Variants in KAZN observed in about 807,000 individuals in gnomAD.
KAZN encodes kazrin.
Under a neutral mutation model 87.4 loss-of-function variants are expected in KAZN, and 40 were observed. The ratio of observed to expected loss-of-function variants is 0.46; its 90% CI spans 0.36 to 0.60. KAZN has a LOEUF of 0.60. KAZN is among the 20% of genes least tolerant of loss of function. The pLI is 0.00. For missense variants in KAZN, 898 were observed against 1,073.9 expected (o/e 0.84, Z 2.29); for synonymous variants, 466 against 458.3 (o/e 1.02, Z -0.22).
At chr1:14,441,317 C>T (rs1196218103) in intron 2 of KAZN, among the ~76,000 whole-genome samples, 3 of 151,686 alleles carry the variant, frequency 2.0e-5, no homozygotes, top group African/African-American at 4.8e-5. Context: ...GCTGAACTTC[C>T]ATTAGCATTA....
chr1:14,957,112 T>C (rs1663210002), intron 1 of KAZN, among the ~76,000 whole-genome samples: 1 of 151,878 alleles, frequency 6.6e-6, no homozygotes, highest in Admixed American at 6.6e-5. Context: ...AGGCCAGGAG[T>C]CTTTCCTTCT....
chr1:14,633,456 G>A (rs1216742429), intron 1 of KAZN, among the ~76,000 whole-genome samples: 2 of 152,128 alleles, frequency 1.3e-5, no homozygotes, highest in East Asian at 3.9e-4. Context: ...AAATGTGTGG[G>A]TGCCTCTAGA....
At chr1:14,888,489 C>G (rs1654356800) in intron 1 of KAZN, among the ~76,000 whole-genome samples, 1 of 152,180 alleles carries the variant, frequency 6.6e-6, no homozygotes, top group Non-Finnish European at 1.5e-5. Flanking sequence ...GAATGAATCC[C>G]TTTCAATACA....
At chr1:15,040,669 G>C (rs1194352231) in intron 3 of KAZN, among the ~76,000 whole-genome samples, 1 of 152,076 alleles carries the variant, frequency 6.6e-6, no homozygotes, top group Non-Finnish European at 1.5e-5. Context: ...GGGAGGCTGA[G>C]GCAGGAGAAT....
intron 2 of KAZN, among the ~76,000 whole-genome samples, chr1:14,517,331 G>A (rs1390633256): frequency 6.6e-6 from 1 of 152,024 alleles, no homozygotes; most frequent in Non-Finnish European, 1.5e-5. Flanking sequence ...AGAAAGTAAA[G>A]CCAACACAGA....
chr1:14,085,725 C>G (rs1468312730), intron 1 of KAZN, among the ~76,000 whole-genome samples: 1 of 152,132 alleles, frequency 6.6e-6, no homozygotes, highest in African/African-American at 2.4e-5. Flanking sequence ...CATTCACATA[C>G]AAGTCTTTCT....
intron 2 of KAZN, among the ~76,000 whole-genome samples, chr1:14,304,940 T>G (rs144101572): frequency 0.021 from 2,981 of 139,604 alleles, 41 homozygotes; most frequent in Middle Eastern, 0.042. Flanking sequence ...CAGCCAAAGC[T>G]AGTTTTTTTT....
intron 2 of KAZN, among the ~76,000 whole-genome samples, chr1:14,387,676 G>T (rs1255916291): frequency 1.3e-5 from 2 of 152,182 alleles, no homozygotes; most frequent in Non-Finnish European, 2.9e-5. Context: ...CCCGTTCTCA[G>T]ATCTCCAGCT....
intron 1 of KAZN, among the ~76,000 whole-genome samples, chr1:14,695,524 T>TTTTTTTTTTTTTTTTTTTTTTTTTTTTTG: frequency 6.9e-6 from 1 of 145,906 alleles, no homozygotes. Context: ...TTTTTTTTTT[T>TTTTTTTTTTTTTTTTTTTTTTTTTTTTTG]TGATGGAGTC....
intron 1 of KAZN, among the ~76,000 whole-genome samples, chr1:14,090,312 C>CT (rs1273518575): frequency 6.6e-6 from 1 of 151,986 alleles, no homozygotes; most frequent in African/African-American, 2.4e-5. Flanking sequence ...TTTTCAGTCT[C>CT]TTTTTCTCTG....
intron 1 of KAZN, among the ~76,000 whole-genome samples, chr1:14,755,668 G>A (rs557742034): frequency 6.6e-6 from 1 of 152,294 alleles, no homozygotes; most frequent in Admixed American, 6.5e-5. Context: ...CAGGGGTTCA[G>A]TGTGGAGGGC....
chr1:14,809,806 T>G (rs1261551399), intron 1 of KAZN, among the ~76,000 whole-genome samples: 1 of 152,164 alleles, frequency 6.6e-6, no homozygotes, highest in Non-Finnish European at 1.5e-5. Context: ...GCTTGCAGTC[T>G]GATGTCACCC....
At chr1:14,086,266 A>G (rs1173789870) in intron 1 of KAZN, among the ~76,000 whole-genome samples, 1 of 152,210 alleles carries the variant, frequency 6.6e-6, no homozygotes, top group Non-Finnish European at 1.5e-5. Context: ...AACGTGTGCC[A>G]TGGTGGTTTG....
chr1:14,740,314 C>T (rs147323279), intron 1 of KAZN, among the ~76,000 whole-genome samples: 5 of 152,276 alleles, frequency 3.3e-5, no homozygotes, highest in Non-Finnish European at 4.4e-5. Context: ...GCCTCTAAAC[C>T]GATGCAGAGA....
intron 2 of KAZN, among the ~76,000 whole-genome samples, chr1:14,339,746 A>T (rs1269884888): frequency 1.3e-5 from 2 of 152,144 alleles, no homozygotes; most frequent in African/African-American, 4.8e-5. Context: ...GTTTTATCCA[A>T]AACCCACTTG....
chr1:14,975,380 G>C (rs1487466298), intron 2 of KAZN, among the ~76,000 whole-genome samples: 1 of 152,184 alleles, frequency 6.6e-6, no homozygotes, highest in East Asian at 1.9e-4. Flanking sequence ...TTCATGCCTG[G>C]AGCCTGATGT....
At chr1:14,893,302 G>A (rs542865856) in intron 1 of KAZN, among the ~76,000 whole-genome samples, 1 of 152,316 alleles carries the variant, frequency 6.6e-6, no homozygotes, top group East Asian at 1.9e-4. Flanking sequence ...GGAGGCAGAG[G>A]TTTCAGTGAG....
At chr1:14,079,285 G>A (rs1643583800) in intron 1 of KAZN, among the ~76,000 whole-genome samples, 2 of 152,248 alleles carry the variant, frequency 1.3e-5, no homozygotes, top group African/African-American at 4.8e-5. Flanking sequence ...GCAGCTTGCT[G>A]CTGGCAGTCA....
rs558815063 is a variant in KAZN, at chr1:14,163,543, C to T, written c.92-16892C>T. 3.5e-4 allele frequency among the ~76,000 whole-genome samples: 53 copies of T among 152,282 alleles called. 1 individual carries two copies. The highest frequency in any genetic ancestry group is 3.1e-3 in the South Asian group (15 of 4,820). ...AACCCCACCATTTTGCTTCTTAGTGCGCATGCTTCAGCCTACTTGCCCAGC... is the reference window on the plus strand; with the variant it reads ...AACCCCACCATTTTGCTTCTTAGTGTGCATGCTTCAGCCTACTTGCCCAGC... On this transcript the variant is annotated intron_variant, in intron 1 of 16. Coordinates refer to the KAZN transcript ENST00000636203.
Sources: gnomAD v4.1 joint callset for allele counts (sites outside exome capture counted in the v4.1 genomes callset) on GRCh38, gnomAD v4.1.1 for gene constraint, MANE v1.5 for transcripts, NCBI Gene and HGNC (gene_info 2026-07-23, HGNC 2026-07-21) for gene names.